The following SLC12A1 variants were observed in gnomAD, a reference collection of about 807,000 sequenced individuals.
The protein encoded by SLC12A1 is solute carrier family 12 member 1.
SLC12A1 carries 89 observed loss-of-function variants against 130.4 expected under a neutral mutation model. The observed-to-expected ratio is 0.68, with a 90% CI of 0.58 to 0.81. The LOEUF is 0.81. Ranked by LOEUF, SLC12A1 falls within the 40% of genes least tolerant of loss-of-function variation. The pLI, the probability that SLC12A1 is intolerant of heterozygous loss-of-function variation, is 0.00. For synonymous variants in SLC12A1, 499 were observed against 460.0 expected (o/e 1.08, Z -1.09); for missense variants, 1,310 against 1,336.4 (o/e 0.98, Z 0.31).
chr15:48,301,577 C>T (rs1382852268), intron 26 of SLC12A1, among the ~76,000 whole-genome samples, 195 bp downstream of exon 26: 5 of 151,694 alleles, frequency 3.3e-5, no homozygotes, highest in Admixed American at 2.6e-4. Flanking sequence ...CCCCTCAGGC[C>T]CATGAGCATC....
In SLC12A1 at chr15:48,241,536, A is replaced by G. The variant is rs1168512863; in HGVS notation, c.1237A>G (p.Arg413Gly). Residue 413 changes from arginine (R) to glycine (G), a missense_variant, in exon 10 of 27, where the codon AGA becomes GGA. Transcript: ENST00000380993. ...DLEDPQDAIP[R>G]GTMLAIFITT... ...AAAGGATCCCCAAGATGCCATCCCC[A>G]GAGGAACCATGCTGGCCATTTTCAT... 1 of 1,613,772 alleles carries G rather than the reference A, an allele frequency of 6.2e-7. No individual in the cohort carries two copies. Among genetic ancestry groups the G allele is most frequent in the Admixed American group, 1.7e-5 (1 of 60,022 alleles).
Position 48,267,647 on chromosome 15 carries a change from T to C in SLC12A1, c.2241T>C (p.Phe747=). Residue 747 remains phenylalanine (F), a synonymous_variant, in exon 18 of 27, where the codon TTT becomes TTC. Transcript: ENST00000380993. ...TTATAAAGAACAAAATCAAGGCTTT[T>C]TATGCTGCAGTGGCGGCAGACTGTT... ...AWLIKNKIKA[F]YAAVAADCFR... is the part of the protein sequence containing the mutation. 1 of 1,613,622 alleles carries C rather than the reference T, an allele frequency of 6.2e-7. No individual in the cohort carries two copies. The highest frequency in any genetic ancestry group is 8.5e-7 in the Non-Finnish European group (1 of 1,179,628).
At chr15:48,299,396 C>T in intron 25 of SLC12A1, 121 bp downstream of exon 25, 3 of 923,740 alleles carry the variant, frequency 3.2e-6, no homozygotes, top group East Asian at 3.2e-5. Context: ...AAGATCCAAG[C>T]TTTCTGCATT....
intron 9 of SLC12A1, among the ~76,000 whole-genome samples, chr15:48,241,263 C>T (rs1156697493): frequency 6.6e-6 from 1 of 152,194 alleles, no homozygotes; most frequent in Non-Finnish European, 1.5e-5. Flanking sequence ...TTTCTAAAGA[C>T]ACTTCCTTCT....
rs533437953 is a variant in SLC12A1, at chr15:48,303,803, T to C, written c.*918T>C. Reference sequence around the variant, plus strand: ...CCATTATTAAGAAATATATCCTGAATCATATATTTAGTTACTTTCTATAGT... The same window carrying C: ...CCATTATTAAGAAATATATCCTGAACCATATATTTAGTTACTTTCTATAGT... On this transcript the variant is annotated 3_prime_UTR_variant, in exon 27 of 27. Transcript: ENST00000380993. The C allele has an allele frequency of 1.3e-5, 2 of 152,236 alleles. No homozygotes were observed. Among genetic ancestry groups the C allele is most frequent in the Non-Finnish European group, 2.9e-5 (2 of 68,042 alleles). 9.4% of individuals were successfully genotyped at this position (152,236 alleles called of 1,614,324 possible).
intron 15 of SLC12A1, among the ~76,000 whole-genome samples, chr15:48,255,326 T>C (rs1028464948): frequency 6.6e-6 from 1 of 151,596 alleles, no homozygotes; most frequent in Non-Finnish European, 1.5e-5. Flanking sequence ...TAGTCACAGC[T>C]ACTCAGGAGG....
At chr15:48,282,035 GA>G (rs2042013384) in intron 20 of SLC12A1, among the ~76,000 whole-genome samples, 1 of 152,158 alleles carries the variant, frequency 6.6e-6, no homozygotes. Flanking sequence ...GTTGAAATGC[GA>G]AAAGGAAGGA....
In SLC12A1 at chr15:48,229,293, G is replaced by T. The variant is rs1261609006; in HGVS notation, c.829G>T (p.Val277Leu). 5 of 1,605,230 alleles carry T rather than the reference G, an allele frequency of 3.1e-6. No individual in the cohort carries two copies. The highest frequency in any genetic ancestry group is 4.3e-6 in the Non-Finnish European group (5 of 1,175,520). Residue 277 changes from valine to leucine, a missense_variant, in exon 6 of 27, where the codon GTG becomes TTG. Transcript: ENST00000380993. ...TGCAGTGGCTGTTGCTATGTATGTGGTGGGATTTGCTGAGACTGTAGTAGA... is the reference window on the plus strand; with the variant it reads ...TGCAGTGGCTGTTGCTATGTATGTGTTGGGATTTGCTGAGACTGTAGTAGA... ...ANAVAVAMYV[V>L]GFAETVVDLL...
chr15:48,227,406 T>C, intron 5 of SLC12A1: 1 of 557,434 alleles, frequency 1.8e-6, no homozygotes, highest in East Asian at 3.1e-5. Flanking sequence ...AGAGTGACTA[T>C]GTGTCTAGTA....
At chr15:48,215,708 TA>T (rs1409672569) in intron 2 of SLC12A1, among the ~76,000 whole-genome samples, 2 of 152,240 alleles carry the variant, frequency 1.3e-5, no homozygotes, top group Non-Finnish European at 2.9e-5. Flanking sequence ...TCTGATTTAC[TA>T]AGGAGGCATT....
At chr15:48,274,280 C>T (rs746837313) in intron 19 of SLC12A1, among the ~76,000 whole-genome samples, 29 of 152,154 alleles carry the variant, frequency 1.9e-4, no homozygotes, top group Middle Eastern at 3.4e-3. Flanking sequence ...ATAAAAGATT[C>T]GATTATTTTT....
intron 11 of SLC12A1, 137 bp downstream of exon 11, chr15:48,245,041 G>A (rs2041561968): frequency 1.2e-6 from 1 of 832,930 alleles, no homozygotes; most frequent in Non-Finnish European, 1.9e-6. Context: ...ATGTGGAAAT[G>A]AAAGGAGTCA....
intron 19 of SLC12A1, 124 bp downstream of exon 19, chr15:48,269,888 G>A (rs780813647): frequency 1.2e-3 from 544 of 469,744 alleles, no homozygotes; most frequent in Non-Finnish European, 1.7e-3. Flanking sequence ...CATTCCCCTG[G>A]TACTCTGACT....
At position 48,207,734 on chromosome 15, in the gene SLC12A1, C is replaced by T; in HGVS notation, c.15C>T (p.Asn5=). The change falls in exon 2 of 27, where the codon AAC becomes AAT. Residue 5 remains asparagine, a synonymous_variant. Transcript: ENST00000380993. ...AATTTTGGAAGATGTCACTGAACAACTCTTCCAATGTATTTCTGGATTCAG... is the reference window on the plus strand; with the variant it reads ...AATTTTGGAAGATGTCACTGAACAATTCTTCCAATGTATTTCTGGATTCAG... The part of the protein sequence containing the change: MSLN[N]SSNVFLDSVP... 1.9e-6 allele frequency: 3 copies of T among 1,576,994 alleles called. No individual in the cohort carries two copies. The highest frequency in any genetic ancestry group is 2.2e-5 in the East Asian group (1 of 44,474).
intron 9 of SLC12A1, among the ~76,000 whole-genome samples, chr15:48,241,208 T>G (rs182556372): frequency 7.7e-4 from 118 of 152,320 alleles, no homozygotes; most frequent in African/African-American, 2.8e-3. Flanking sequence ...TCATAGGAGA[T>G]AAAGAGAAGG....
chr15:48,251,715 C>T lies in SLC12A1; in HGVS notation c.1887C>T (p.Val629=). 1.2e-6 allele frequency: 2 copies of T among 1,613,834 alleles called. No homozygotes were observed. The highest frequency in any genetic ancestry group is 1.7e-6 in the Non-Finnish European group (2 of 1,179,744). ...VMFVINWWAA[V]ITYVIEFFLY... is the part of the protein sequence containing the mutation. Reference sequence around the variant, plus strand: ...TTGTCATCAACTGGTGGGCAGCTGTCATCACCTATGTCATTGAATTCTTCC... The same window carrying T: ...TTGTCATCAACTGGTGGGCAGCTGTTATCACCTATGTCATTGAATTCTTCC... The change falls in exon 15 of 27, where the codon GTC becomes GTT. Residue 629 remains valine (V), a synonymous_variant. Coordinates refer to ENST00000380993, the MANE Select transcript of SLC12A1 (RefSeq NM_000338.3).
intron 17 of SLC12A1, among the ~76,000 whole-genome samples, chr15:48,262,355 G>A (rs897396945): frequency 1.3e-5 from 2 of 152,068 alleles, no homozygotes; most frequent in African/African-American, 4.8e-5. Flanking sequence ...GATGTGGGTG[G>A]GTAGAGGGAA....
At position 48,209,840 on chromosome 15, in the gene SLC12A1, CT is replaced by C. The variant is rs374013159; in HGVS notation, c.420+1703del. ...GAGCCCATGTTTTTAATTTTGTTTC[CT>C]TGTCCCCTTTCCCCACCAAAACTTG... is the stretch of plus-strand genomic sequence containing the variant. On this transcript the variant is annotated intron_variant, in intron 2 of 26. Coordinates refer to ENST00000380993, the MANE Select transcript of SLC12A1 (RefSeq NM_000338.3). Among the ~76,000 whole-genome samples the C allele has an allele frequency of 4.4e-3, 671 of 152,212 alleles. 5 individuals are homozygous for C. Among genetic ancestry groups the C allele is most frequent in the African/African-American group, 0.016 (648 of 41,544 alleles).
At chr15:48,273,135 T>C (rs1321037809) in intron 19 of SLC12A1, among the ~76,000 whole-genome samples, 1 of 151,058 alleles carries the variant, frequency 6.6e-6, no homozygotes, top group Non-Finnish European at 1.5e-5. Context: ...CACTTGATTA[T>C]CTTACAGTTC....
Sources: allele counts gnomAD v4.1 joint callset (sites outside exome capture counted in the v4.1 genomes callset), GRCh38; gene constraint gnomAD v4.1.1; transcripts MANE v1.5; gene names NCBI Gene and HGNC (gene_info 2026-07-23, HGNC 2026-07-21).